The following CNKSR2 variants were observed in gnomAD, a reference collection of about 807,000 sequenced individuals.
CNKSR2 encodes CNK homolog protein 2.
Under a neutral mutation model 84.4 loss-of-function variants are expected in CNKSR2, and 14 were observed. The observed-to-expected ratio is 0.17, with a 90% CI of 0.11 to 0.26. The LOEUF is 0.26. CNKSR2 is among the 10% of genes least tolerant of loss of function. The probability of loss-of-function intolerance (pLI) is 1.00; values close to 1 mark genes in which losing one functional copy is unlikely to be tolerated. For synonymous variants in CNKSR2, 275 were observed against 277.9 expected (o/e 0.99, Z 0.10); for missense variants, 485 against 771.2 (o/e 0.63, Z 4.40).
chrX:21,590,679 C>T, intron 14 of CNKSR2, 59 bp downstream of exon 14: 2 of 1,091,636 alleles, frequency 1.8e-6, no homozygotes, highest in Non-Finnish European at 2.5e-6. Context: ...ATCCCCAACA[C>T]ACTTCATCCA....
At chrX:21,422,322 C>G (rs1477826138) in intron 1 of CNKSR2, 1 of 111,613 alleles carries the variant, frequency 9.0e-6, no homozygotes, top group Non-Finnish European at 1.9e-5. Flanking sequence ...CCTGGACCTT[C>G]TTTCCTGTGC....
intron 4 of CNKSR2, among the ~76,000 whole-genome samples, chrX:21,462,669 T>C (rs1431218201): frequency 9.0e-6 from 1 of 110,950 alleles, no homozygotes; most frequent in African/African-American, 3.3e-5. Flanking sequence ...GAGTCTATCA[T>C]ACATGGCTTT....
At chrX:21,458,802 T>TA (rs1366052449) in intron 4 of CNKSR2, among the ~76,000 whole-genome samples, 1 of 110,450 alleles carries the variant, frequency 9.1e-6, no homozygotes, top group Non-Finnish European at 1.9e-5. Flanking sequence ...TATTCCCCTC[T>TA]ATGTGTCCAT....
chrX:21,634,569 CAGTT>C lies in CNKSR2; in HGVS notation c.2693-14259_2693-14256del, dbSNP rs2092661804. Among the ~76,000 whole-genome samples the C allele has an allele frequency of 2.7e-5, 3 of 110,892 alleles. No homozygotes were observed. The Admixed American group carries it at 2.9e-4, about 11-fold the overall frequency. ...TACCATCTTTATAATATTGCAAGCT[CAGTT>C]AGAAAGAGTAAGCAGAAGTTTATTT... On this transcript the variant is annotated intron_variant, in intron 20 of 21. Coordinates refer to ENST00000379510, the MANE Select transcript of CNKSR2 (RefSeq NM_014927.5).
At chrX:21,551,950 A>G (rs1252002638) in intron 11 of CNKSR2, among the ~76,000 whole-genome samples, 2 of 111,264 alleles carry the variant, frequency 1.8e-5, no homozygotes, top group Non-Finnish European at 3.8e-5. Flanking sequence ...CAGTTAGTAT[A>G]TTCTCTGGAC....
At chrX:21,643,056 GT>G (rs767371446) in intron 20 of CNKSR2, 1,371 of 107,578 alleles carry the variant, frequency 0.013, 15 homozygotes, top group African/African-American at 0.046. Flanking sequence ...AGAATTTGGT[GT>G]TTTTTTTTTC....
intron 17 of CNKSR2, among the ~76,000 whole-genome samples, chrX:21,598,052 T>A (rs1569265785): frequency 9.3e-6 from 1 of 107,392 alleles, no homozygotes; most frequent in Non-Finnish European, 1.9e-5. Flanking sequence ...CAACAAATAT[T>A]TATATATGTG....
chrX:21,410,981 T>C (rs1191516052), intron 1 of CNKSR2, among the ~76,000 whole-genome samples: 2 of 111,066 alleles, frequency 1.8e-5, no homozygotes, highest in Non-Finnish European at 3.8e-5. Flanking sequence ...ATATTTAGAT[T>C]AAGTTTAATA....
intron 13 of CNKSR2, among the ~76,000 whole-genome samples, chrX:21,572,217 A>C (rs1395392462): frequency 8.9e-6 from 1 of 112,046 alleles, no homozygotes; most frequent in Admixed American, 9.5e-5. Context: ...AGTATGGGCC[A>C]TCCTTGGCAA....
intron 11 of CNKSR2, among the ~76,000 whole-genome samples, chrX:21,558,837 G>C (rs1441340746): frequency 9.0e-6 from 1 of 111,203 alleles, no homozygotes; most frequent in Non-Finnish European, 1.9e-5. Context: ...ATAACATATA[G>C]AGCAAGTGAA....
At chrX:21,640,671 G>T (rs1230970950) in intron 20 of CNKSR2, among the ~76,000 whole-genome samples, 1 of 111,569 alleles carries the variant, frequency 9.0e-6, no homozygotes, top group Non-Finnish European at 1.9e-5. Flanking sequence ...TGACTCAAAA[G>T]ATACTACAAG....
At chrX:21,495,321 T>C (rs1473062516) in intron 6 of CNKSR2, 1 of 111,609 alleles carries the variant, frequency 9.0e-6, no homozygotes, top group Non-Finnish European at 1.9e-5. Flanking sequence ...ACATAGACTA[T>C]TGTGAAATAA....
chrX:21,557,328 C>T (rs1357168621), intron 11 of CNKSR2, among the ~76,000 whole-genome samples: 8 of 110,969 alleles, frequency 7.2e-5, no homozygotes, highest in Admixed American at 1.9e-4. Flanking sequence ...TGCTTAATTG[C>T]GCTGAATATA....
At chrX:21,498,689 A>G (rs2091527731) in intron 7 of CNKSR2, among the ~76,000 whole-genome samples, 1 of 112,472 alleles carries the variant, frequency 8.9e-6, no homozygotes, top group South Asian at 3.6e-4. Flanking sequence ...TGAAGTGATC[A>G]TGCTGGATAT....
chrX:21,502,790 G>A (rs1238342737), intron 8 of CNKSR2, among the ~76,000 whole-genome samples: 1 of 111,506 alleles, frequency 9.0e-6, no homozygotes, highest in Admixed American at 9.5e-5. Flanking sequence ...ATAATAGAGT[G>A]TTGGTAGTAG....
chrX:21,437,067 G>C (rs1424028212), intron 3 of CNKSR2, among the ~76,000 whole-genome samples: 1 of 111,430 alleles, frequency 9.0e-6, no homozygotes, highest in Non-Finnish European at 1.9e-5. Context: ...ATTTAATCTT[G>C]AGTGAAAAGC....
At chrX:21,409,887 T>G (rs962489197) in intron 1 of CNKSR2, among the ~76,000 whole-genome samples, 1 of 111,692 alleles carries the variant, frequency 9.0e-6, no homozygotes, top group African/African-American at 3.2e-5. Flanking sequence ...TGTAATAATT[T>G]GTCTAGCTTA....
chrX:21,522,045 A>C (rs1187558149), intron 9 of CNKSR2, among the ~76,000 whole-genome samples: 4 of 111,259 alleles, frequency 3.6e-5, no homozygotes, highest in Admixed American at 2.9e-4. Context: ...CAAGAAACTA[A>C]AAATTATATG....
intron 20 of CNKSR2, among the ~76,000 whole-genome samples, chrX:21,638,190 G>A (rs1174095643): frequency 9.0e-6 from 1 of 111,643 alleles, no homozygotes; most frequent in East Asian, 2.8e-4. Flanking sequence ...TCTTGAAGAT[G>A]TTCGTACCTC....
Sources: allele counts gnomAD v4.1 joint callset (sites outside exome capture counted in the v4.1 genomes callset), GRCh38; gene constraint gnomAD v4.1.1; transcripts MANE v1.5; gene names NCBI Gene and HGNC (gene_info 2026-07-23, HGNC 2026-07-21).